The following FRYL variants were observed in gnomAD, a reference collection of about 807,000 sequenced individuals.
FRYL encodes protein furry homolog-like.
A neutral mutation model predicts 351.2 loss-of-function variants in FRYL; 150 were observed. The ratio of observed to expected loss-of-function variants is 0.43; its 90% CI spans 0.37 to 0.49. The LOEUF is 0.49. Ranked by LOEUF, FRYL falls within the 20% of genes least tolerant of loss-of-function variation. The pLI, the probability that FRYL is intolerant of heterozygous loss-of-function variation, is 0.00. For missense variants in FRYL, 3,036 were observed against 3,619.3 expected (o/e 0.84, Z 4.13); for synonymous variants, 1,153 against 1,257.1 (o/e 0.92, Z 1.75).
chr4:48,600,743 A>T (rs1745528693), intron 13 of FRYL, among the ~76,000 whole-genome samples: 1 of 152,206 alleles, frequency 6.6e-6, no homozygotes. Context: ...CAGAAAAATG[A>T]TCAATTCTCT....
rs1297824281 is a variant in FRYL, at chr4:48,545,213, T to G, written c.5280-309A>C. Among the ~76,000 whole-genome samples, 4 of 152,202 alleles carry G rather than the reference T, an allele frequency of 2.6e-5. No individual in the cohort carries two copies. The East Asian group carries it at 7.7e-4, about 29-fold the overall frequency. The stretch of plus-strand genomic sequence containing the variant: ...TTCCAGGTCAAAATATAATCTGTAT[T>G]TAGATTGTAATGCAAAGAAAATAAT... On this transcript the variant is annotated intron_variant, in intron 42 of 63. Coordinates refer to ENST00000358350, the MANE Select transcript of FRYL (RefSeq NM_015030.2).
intron 3 of FRYL, among the ~76,000 whole-genome samples, chr4:48,639,722 C>A (rs955200614): frequency 2.6e-5 from 4 of 151,856 alleles, no homozygotes; most frequent in African/African-American, 9.7e-5. Flanking sequence ...CATGAAAAGA[C>A]AAGCCACAGA....
intron 7 of FRYL, chr4:48,617,996 G>A (rs1247007171): frequency 6.6e-6 from 1 of 152,226 alleles, no homozygotes; most frequent in Non-Finnish European, 1.5e-5. Context: ...AGATACACCA[G>A]GGATAAATCA....
At chr4:48,563,444 C>T (rs184041143) in intron 31 of FRYL, among the ~76,000 whole-genome samples, 319 of 152,124 alleles carry the variant, frequency 2.1e-3, no homozygotes, top group South Asian at 7.9e-3. Flanking sequence ...AGGCCAAGCG[C>T]GGCAGGTCAT....
chr4:48,593,180 C>A (rs1173132337), intron 16 of FRYL, among the ~76,000 whole-genome samples: 27 of 146,896 alleles, frequency 1.8e-4, no homozygotes, highest in Non-Finnish European at 3.4e-4. Flanking sequence ...CAGTGCCTGG[C>A]ACATTTCAGG....
At chr4:48,761,906 C>T (rs1209355324) in intron 1 of FRYL, among the ~76,000 whole-genome samples, 1 of 152,090 alleles carries the variant, frequency 6.6e-6, no homozygotes, top group South Asian at 2.1e-4. Flanking sequence ...GAATGTATCC[C>T]CATTGTTAGG....
At chr4:48,721,544 A>G (rs541149041) in intron 1 of FRYL, among the ~76,000 whole-genome samples, 2 of 152,258 alleles carry the variant, frequency 1.3e-5, no homozygotes, top group Admixed American at 1.3e-4. Context: ...TCATTACACT[A>G]GTGGAAGGGT....
intron 21 of FRYL, 95 bp from the exon 22 acceptor site, chr4:48,581,046 T>C: frequency 3.6e-6 from 1 of 278,830 alleles, no homozygotes; most frequent in Non-Finnish European, 6.2e-6. Context: ...TCAGCACTAT[T>C]TTTTTTTTTT....
At chr4:48,546,582 CT>C (rs1350554542) in intron 41 of FRYL, 1 of 292,192 alleles carries the variant, frequency 3.4e-6, no homozygotes, top group Non-Finnish European at 6.4e-6. Context: ...GTCAACATCG[CT>C]TGTCAGTCAC....
intron 3 of FRYL, among the ~76,000 whole-genome samples, chr4:48,655,737 A>G (rs940003811): frequency 4.8e-5 from 7 of 146,366 alleles, no homozygotes; most frequent in African/African-American, 1.7e-4. Context: ...ATATAAAATT[A>G]TATCTAATGT....
rs1210586659 is a variant in FRYL at position 48,704,990 on chromosome 4, G to A, written c.-204+5529C>T. Among the ~76,000 whole-genome samples the A allele has an allele frequency of 5.3e-5, 8 of 150,030 alleles. No individual in the cohort carries two copies. In the East Asian group the frequency reaches 9.8e-4, roughly 18 times the overall value. On this transcript the variant is annotated intron_variant, in intron 2 of 63. Transcript: ENST00000358350. The stretch of plus-strand genomic sequence containing the variant: ...AAAAAAATTAGCCAGGCATGGTAGC[G>A]CACACCTGTCATCCCAGCTACTCGG...
chr4:48,603,518 A>G, intron 11 of FRYL, 130 bp from the exon 12 acceptor site: 1 of 653,502 alleles, frequency 1.5e-6, no homozygotes, highest in South Asian at 1.9e-5. Context: ...GAAGTACTAC[A>G]ATGTGCCAAG....
intron 3 of FRYL, among the ~76,000 whole-genome samples, chr4:48,660,788 A>C (rs757198555): frequency 6.6e-5 from 10 of 152,186 alleles, no homozygotes; most frequent in Non-Finnish European, 1.0e-4. Context: ...TCTTCTTCCC[A>C]AAAACCTTTA....
chr4:48,673,484 T>C (rs1578663717), intron 3 of FRYL, among the ~76,000 whole-genome samples: 1 of 152,198 alleles, frequency 6.6e-6, no homozygotes, highest in Non-Finnish European at 1.5e-5. Flanking sequence ...AACTCCTGGG[T>C]TCAAGTAGTC....
chr4:48,737,450 A>G (rs1466615734), intron 1 of FRYL, among the ~76,000 whole-genome samples: 2 of 152,194 alleles, frequency 1.3e-5, no homozygotes, highest in Non-Finnish European at 2.9e-5. Context: ...AGGCAATCTT[A>G]ATTGGCCTAT....
chr4:48,581,828 C>T (rs145109548), intron 20 of FRYL, among the ~76,000 whole-genome samples: 316 of 152,302 alleles, frequency 2.1e-3, no homozygotes, highest in Non-Finnish European at 3.7e-3. Context: ...TTCTACCATT[C>T]TCTGACTATT....
intron 3 of FRYL, among the ~76,000 whole-genome samples, chr4:48,648,330 T>C (rs976723542): frequency 2.0e-5 from 3 of 152,090 alleles, no homozygotes; most frequent in African/African-American, 7.2e-5. Context: ...CATGGTCTAG[T>C]CCTTGCTTAA....
chr4:48,767,549 TA>T (rs1775094133), intron 1 of FRYL, among the ~76,000 whole-genome samples: 1 of 152,090 alleles, frequency 6.6e-6, no homozygotes, highest in Admixed American at 6.6e-5. Flanking sequence ...CTAAGTGAAA[TA>T]AATCAAACAC....
At chr4:48,518,239 C>G (rs995724439) in intron 55 of FRYL, among the ~76,000 whole-genome samples, 1 of 152,208 alleles carries the variant, frequency 6.6e-6, no homozygotes, top group Non-Finnish European at 1.5e-5. Context: ...AACCTCCCAA[C>G]AACTGAAAGG....
Sources: gnomAD v4.1 joint callset for allele counts (sites outside exome capture counted in the v4.1 genomes callset) on GRCh38, gnomAD v4.1.1 for gene constraint, MANE v1.5 for transcripts, NCBI Gene and HGNC (gene_info 2026-07-23, HGNC 2026-07-21) for gene names.